The following BANK1 variants were observed in gnomAD, a reference collection of about 807,000 sequenced individuals.
The protein encoded by BANK1 is B cell scaffold protein with ankyrin repeats 1, also known as B-cell scaffold protein with ankyrin repeats.
BANK1 carries 95 observed loss-of-function variants against 94.5 expected under a neutral mutation model. The observed-to-expected ratio is 1.00, with a 90% CI of 0.85 to 1.19. The LOEUF (loss-of-function observed/expected upper bound fraction) is 1.19. Ranked by LOEUF, BANK1 falls within the 50% of genes most tolerant of loss-of-function variation. BANK1 has a pLI of 0.00. For synonymous variants in BANK1, 334 were observed against 308.4 expected, an observed-to-expected ratio of 1.08 and a Z score of -0.87; for missense variants, 987 against 932.2, an observed-to-expected ratio of 1.06 and a Z score of -0.77.
chr4:102,010,989 A>T (rs149557709), intron 7 of BANK1, among the ~76,000 whole-genome samples: 1 of 152,364 alleles, frequency 6.6e-6, no homozygotes, highest in Non-Finnish European at 1.5e-5. Context: ...TTTACCTTAA[A>T]CAGTTTCAGA....
chr4:102,047,212 C>T (rs1368763116), intron 11 of BANK1, among the ~76,000 whole-genome samples: 1 of 152,088 alleles, frequency 6.6e-6, no homozygotes. Flanking sequence ...ATGAGTGATC[C>T]TCACCCATCA....
At chr4:101,995,686 T>C (rs1725854001) in intron 7 of BANK1, among the ~76,000 whole-genome samples, 1 of 152,238 alleles carries the variant, frequency 6.6e-6, no homozygotes, top group South Asian at 2.1e-4. Flanking sequence ...TGCATTTCTC[T>C]AATGACCAGT....
In BANK1 at chr4:102,026,774, A is replaced by T. The variant is rs1727120407; in HGVS notation, c.1594+1265A>T. On this transcript the variant is annotated intron_variant, in intron 9 of 16. Coordinates refer to ENST00000322953, the MANE Select transcript of BANK1 (RefSeq NM_017935.5). Reference sequence around the variant, plus strand: ...GAGGCGGAGGTTGCAGTGAGCCAAGATCATGCCGCTGCACCCCAGCCTGGG... The same window carrying T: ...GAGGCGGAGGTTGCAGTGAGCCAAGTTCATGCCGCTGCACCCCAGCCTGGG... Among the ~76,000 whole-genome samples the T allele has an allele frequency of 2.0e-5, 3 of 149,810 alleles. No individual in the cohort carries two copies. In the South Asian group the frequency reaches 6.3e-4, roughly 32 times the overall value.
chr4:101,853,997 C>T (rs1727589787), intron 2 of BANK1, among the ~76,000 whole-genome samples: 1 of 152,118 alleles, frequency 6.6e-6, no homozygotes, highest in African/African-American at 2.4e-5. Context: ...GACAGAGTGG[C>T]CTTGTCTAAT....
intron 7 of BANK1, among the ~76,000 whole-genome samples, chr4:101,961,866 G>T (rs1396196104): frequency 6.6e-6 from 1 of 152,114 alleles, no homozygotes; most frequent in African/African-American, 2.4e-5. Flanking sequence ...AAATTACCCT[G>T]CTAAGTGTTA....
chr4:101,819,845 C>T (rs71597109), intron 1 of BANK1, among the ~76,000 whole-genome samples: 40,979 of 151,962 alleles, frequency 0.27, 5,698 homozygotes, highest in Non-Finnish European at 0.3. Context: ...AGTCAGTAGA[C>T]GAAATCCAGC....
At chr4:101,803,182 T>C (rs892143094) in intron 1 of BANK1, among the ~76,000 whole-genome samples, 3 of 152,220 alleles carry the variant, frequency 2.0e-5, no homozygotes, top group African/African-American at 7.2e-5. Flanking sequence ...CAACTAGTTC[T>C]TGAGAGAATG....
chr4:102,042,573 T>C (rs1727736519), intron 10 of BANK1, among the ~76,000 whole-genome samples: 1 of 151,954 alleles, frequency 6.6e-6, no homozygotes. Flanking sequence ...CTAAAAAACG[T>C]CTCCGGGGTT....
At chr4:102,041,797 T>A (rs1727712408) in intron 10 of BANK1, among the ~76,000 whole-genome samples, 1 of 152,028 alleles carries the variant, frequency 6.6e-6, no homozygotes, top group Non-Finnish European at 1.5e-5. Context: ...AACTTCTTAA[T>A]CTAGTAACTG....
rs1176707205 is a variant in BANK1, at chr4:101,790,844, G to A, written c.-37G>A. The A allele has an allele frequency of 3.9e-6, 6 of 1,532,944 alleles. No homozygotes were observed. The highest frequency in any genetic ancestry group is 5.2e-6 in the Non-Finnish European group (6 of 1,143,244). The allele number at this position is 1,532,944 out of a possible 1,614,324, so 95.0% of individuals were successfully genotyped here. A position where few individuals can be genotyped will look rare whatever the true frequency, so the allele number is the denominator to read the frequency against. On this transcript the variant is annotated 5_prime_UTR_variant, in exon 1 of 17. Coordinates refer to ENST00000322953, the MANE Select transcript of BANK1 (RefSeq NM_017935.5). ...GGAGAGTCCAGGTAGCGCTCGGCGG[G>A]CAGCAGTGCGCAGGCCCCTCGGCTT...
intron 5 of BANK1, among the ~76,000 whole-genome samples, chr4:101,890,713 TTTG>T (rs1033335656): frequency 3.1e-4 from 46 of 150,000 alleles, no homozygotes; most frequent in African/African-American, 1.0e-3. Context: ...TCTGTTTTCA[TTTG>T]TTATTTTTTT....
chr4:101,795,403 A>C (rs528902386), intron 1 of BANK1, among the ~76,000 whole-genome samples: 2 of 152,234 alleles, frequency 1.3e-5, no homozygotes, highest in African/African-American at 4.8e-5. Flanking sequence ...TTAAAGGTGA[A>C]ACTTTTAAGT....
intron 10 of BANK1, among the ~76,000 whole-genome samples, chr4:102,037,662 CACTT>C (rs1339848706): frequency 3.9e-5 from 6 of 152,182 alleles, no homozygotes; most frequent in African/African-American, 1.4e-4. Context: ...TGAAGACTGA[CACTT>C]ACAGTTGTGT....
intron 2 of BANK1, among the ~76,000 whole-genome samples, chr4:101,848,085 A>C (rs1191346196): frequency 6.6e-6 from 1 of 152,152 alleles, no homozygotes; most frequent in African/African-American, 2.4e-5. Context: ...AAATTGACTC[A>C]GTCAGGGAAA....
At chr4:101,956,079 C>G (rs1724326582) in intron 7 of BANK1, among the ~76,000 whole-genome samples, 1 of 151,960 alleles carries the variant, frequency 6.6e-6, no homozygotes, top group South Asian at 2.1e-4. Context: ...ATGCCACTAC[C>G]CTTTTCATTA....
At chr4:101,988,474 C>T (rs1027427378) in intron 7 of BANK1, among the ~76,000 whole-genome samples, 4 of 152,110 alleles carry the variant, frequency 2.6e-5, no homozygotes, top group African/African-American at 7.2e-5. Flanking sequence ...TTTGTTCACT[C>T]TTCTCTTTTA....
intron 7 of BANK1, among the ~76,000 whole-genome samples, chr4:101,989,720 C>T (rs541395078): frequency 2.7e-4 from 41 of 152,048 alleles, no homozygotes; most frequent in African/African-American, 9.9e-4. Flanking sequence ...CCATTTGGGG[C>T]TGTCTGACAT....
At chr4:101,927,374 G>A (rs62322690) in intron 7 of BANK1, among the ~76,000 whole-genome samples, 10,139 of 151,654 alleles carry the variant, frequency 0.067, 575 homozygotes, top group East Asian at 0.19. Context: ...GGATTATGGG[G>A]ATTACAATTC....
rs1033645348 is a variant in BANK1 at position 101,818,544 on chromosome 4, C to T, written c.71-11264C>T. ...TCCTTCAGGAATGTAGTACAGTAGT[C>T]CCCCTTCTCTGTGGTTTTGCTTCCT... On this transcript the variant is annotated intron_variant, in intron 1 of 16. Coordinates refer to ENST00000322953, the MANE Select transcript of BANK1 (RefSeq NM_017935.5). Among the ~76,000 whole-genome samples the T allele has an allele frequency of 4.6e-5, 7 of 152,166 alleles. No homozygotes were observed. In the East Asian group the frequency reaches 1.2e-3, roughly 25 times the overall value.
Sources: allele counts gnomAD v4.1 joint callset (sites outside exome capture counted in the v4.1 genomes callset), GRCh38; gene constraint gnomAD v4.1.1; transcripts MANE v1.5; gene names NCBI Gene and HGNC (gene_info 2026-07-23, HGNC 2026-07-21).